The following NAV2 variants were observed in gnomAD, a reference collection of about 807,000 sequenced individuals.
NAV2 encodes neuron navigator 2, also known as helicase, APC down-regulated 1.
Under a neutral mutation model 223.2 loss-of-function variants are expected in NAV2, and 54 were observed. That is an observed-to-expected ratio of 0.24 (90% CI 0.19 to 0.30). The LOEUF (loss-of-function observed/expected upper bound fraction) is 0.30, where lower values mean the gene tolerates loss of function less well. Ranked by LOEUF, NAV2 falls within the 10% of genes least tolerant of loss-of-function variation. NAV2 has a pLI of 1.00. For missense variants in NAV2, 2,806 were observed against 3,147.5 expected (o/e 0.89, Z 2.60); for synonymous variants, 1,279 against 1,239.3 (o/e 1.03, Z -0.67).
At chr11:19,431,885 A>AGT (rs1224749151) in intron 1 of NAV2, among the ~76,000 whole-genome samples, 1 of 152,212 alleles carries the variant, frequency 6.6e-6, no homozygotes, top group African/African-American at 2.4e-5. Flanking sequence ...CATACATCAT[A>AGT]GTGTGATCTG....
At chr11:20,067,918 C>T (rs2059153166) in intron 20 of NAV2, among the ~76,000 whole-genome samples, 1 of 152,116 alleles carries the variant, frequency 6.6e-6, no homozygotes, top group South Asian at 2.1e-4. Flanking sequence ...TCACCATCCC[C>T]GCCTGGGGAG....
intron 1 of NAV2, among the ~76,000 whole-genome samples, chr11:19,356,734 T>C (rs1483019336): frequency 6.6e-6 from 1 of 152,204 alleles, no homozygotes; most frequent in African/African-American, 2.4e-5. Context: ...CAAACATTCA[T>C]GAAACCTTAA....
In NAV2 at chr11:19,649,888, T is replaced by TA. The variant is rs1470952108; in HGVS notation, c.76-182595dup. On this transcript the variant is annotated intron_variant, in intron 1 of 37. Transcript: ENST00000360655. ...AAACGCAAAGAAAACGATAGTGAGA[T>TA]ACTTCCACACTCCCATTTGAATGCC... Among the ~76,000 whole-genome samples the TA allele has an allele frequency of 2.0e-5, 3 of 152,318 alleles. No individual in the cohort carries two copies. In the South Asian group the frequency reaches 6.2e-4, roughly 32 times the overall value.
chr11:20,100,349 G>A (rs190083019), intron 31 of NAV2, among the ~76,000 whole-genome samples: 324 of 152,252 alleles, frequency 2.1e-3, no homozygotes, highest in Middle Eastern at 6.8e-3. Flanking sequence ...TTCACATTCC[G>A]GAATCAAATG....
At chr11:19,544,826 G>T (rs751105533) in intron 1 of NAV2, among the ~76,000 whole-genome samples, 1 of 152,210 alleles carries the variant, frequency 6.6e-6, no homozygotes, top group Non-Finnish European at 1.5e-5. Flanking sequence ...TAAGATTGCT[G>T]GCAAATCTTC....
intron 11 of NAV2, among the ~76,000 whole-genome samples, chr11:20,018,293 G>A (rs762816684): frequency 7.0e-6 from 1 of 142,462 alleles, no homozygotes; most frequent in African/African-American, 2.6e-5. Context: ...GGTGGAGGTT[G>A]CAGTGAGCTG....
At chr11:19,579,328 A>G (rs1422520230) in intron 1 of NAV2, among the ~76,000 whole-genome samples, 2 of 152,220 alleles carry the variant, frequency 1.3e-5, no homozygotes, top group Admixed American at 6.5e-5. Context: ...GGCAAATATT[A>G]AGGATTCTCT....
At chr11:19,886,641 G>C (rs902199334) in intron 5 of NAV2, among the ~76,000 whole-genome samples, 12 of 152,178 alleles carry the variant, frequency 7.9e-5, no homozygotes, top group African/African-American at 2.9e-4. Context: ...CCCACGATGT[G>C]CTCAGTCCTG....
At chr11:19,786,296 T>C (rs1008143281) in intron 1 of NAV2, among the ~76,000 whole-genome samples, 2 of 152,182 alleles carry the variant, frequency 1.3e-5, no homozygotes, top group African/African-American at 4.8e-5. Context: ...CACCTTACTC[T>C]CAGCTCATCT....
At chr11:19,976,109 G>A (rs1035617732) in intron 10 of NAV2, among the ~76,000 whole-genome samples, 71 of 152,128 alleles carry the variant, frequency 4.7e-4, no homozygotes, top group African/African-American at 1.5e-3. Flanking sequence ...AAGCACTTGC[G>A]TTTTCACTCC....
intron 31 of NAV2, among the ~76,000 whole-genome samples, chr11:20,098,589 GTA>G (rs902770072): frequency 2.2e-4 from 34 of 152,232 alleles, no homozygotes; most frequent in African/African-American, 8.2e-4. Context: ...GATGCAAGGT[GTA>G]TTTCCTGGTT....
intron 1 of NAV2, among the ~76,000 whole-genome samples, chr11:19,604,001 C>T (rs59290425): frequency 6.6e-6 from 1 of 152,060 alleles, no homozygotes; most frequent in Admixed American, 6.5e-5. Context: ...GTTCAAGGAA[C>T]AGCAAGGAAG....
At chr11:19,943,456 A>G (rs1244903136) in intron 8 of NAV2, among the ~76,000 whole-genome samples, 1 of 152,232 alleles carries the variant, frequency 6.6e-6, no homozygotes, top group Non-Finnish European at 1.5e-5. Context: ...GAGAAATTGG[A>G]AAGCACTTGC....
chr11:19,553,045 C>T (rs1401037592), intron 1 of NAV2, among the ~76,000 whole-genome samples: 2 of 152,218 alleles, frequency 1.3e-5, no homozygotes, highest in Non-Finnish European at 2.9e-5. Context: ...CCAGTCTCAG[C>T]ATGGCTGTGT....
intron 1 of NAV2, among the ~76,000 whole-genome samples, chr11:19,435,404 G>A (rs1013527644): frequency 6.6e-6 from 1 of 151,980 alleles, no homozygotes; most frequent in African/African-American, 2.4e-5. Flanking sequence ...AATGGCAGAT[G>A]TTTCTGTTTT....
intron 1 of NAV2, among the ~76,000 whole-genome samples, chr11:19,477,146 A>G (rs561010941): frequency 1.3e-5 from 2 of 152,314 alleles, no homozygotes; most frequent in African/African-American, 4.8e-5. Context: ...TTCCCAAGGT[A>G]AAGTCAGGTT....
At chr11:19,628,491 A>G (rs1326261821) in intron 1 of NAV2, among the ~76,000 whole-genome samples, 1 of 152,190 alleles carries the variant, frequency 6.6e-6, no homozygotes, top group Admixed American at 6.5e-5. Context: ...CCGTACACAC[A>G]TGGTGAGTGA....
intron 1 of NAV2, among the ~76,000 whole-genome samples, chr11:19,688,875 AATT>A (rs2049092718): frequency 6.6e-6 from 1 of 152,188 alleles, no homozygotes; most frequent in Non-Finnish European, 1.5e-5. Flanking sequence ...ATCCAGGCAC[AATT>A]ATTAATAGCA....
chr11:19,660,617 C>T (rs1031595041), intron 1 of NAV2, among the ~76,000 whole-genome samples: 3 of 152,260 alleles, frequency 2.0e-5, no homozygotes, highest in Non-Finnish European at 4.4e-5. Context: ...ACCTAGACAG[C>T]GTTCCTCAAC....
Sources: allele counts gnomAD v4.1 joint callset (sites outside exome capture counted in the v4.1 genomes callset), GRCh38; gene constraint gnomAD v4.1.1; transcripts MANE v1.5; gene names NCBI Gene and HGNC (gene_info 2026-07-23, HGNC 2026-07-21).